USP25: variants seen among roughly 807,000 people sequenced by gnomAD.
USP25 encodes ubiquitin carboxyl-terminal hydrolase 25.
USP25 carries 85 observed loss-of-function variants against 158.5 expected under a neutral mutation model. The ratio of observed to expected loss-of-function variants is 0.54; its 90% confidence interval spans 0.45 to 0.64. USP25 has a LOEUF of 0.64. USP25 is among the 30% of genes least tolerant of loss of function. USP25 has a pLI of 0.00. For missense variants in USP25, 1,242 were observed against 1,327.3 expected, an observed-to-expected ratio of 0.94 and a Z score of 1.00; for synonymous variants, 464 against 460.4, an observed-to-expected ratio of 1.01 and a Z score of -0.10.
chr21:15,833,101 T>C, intron 16 of USP25, among the ~76,000 whole-genome samples: 1 of 152,080 alleles, frequency 6.6e-6, no homozygotes, highest in East Asian at 1.9e-4. Context: ...TAAAAAAAAA[T>C]CTGAGACCAT....
intron 14 of USP25, among the ~76,000 whole-genome samples, chr21:15,827,861 A>AT (rs1218690487): frequency 7.2e-6 from 1 of 138,766 alleles, no homozygotes; most frequent in African/African-American, 2.7e-5. Context: ...TTTCTATTCT[A>AT]TTTTTTCTTT....
At chr21:15,746,620 T>A (rs186757029) in intron 1 of USP25, among the ~76,000 whole-genome samples, 113 of 152,136 alleles carry the variant, frequency 7.4e-4, no homozygotes, top group African/African-American at 2.6e-3. Flanking sequence ...ATAGTCTTGA[T>A]CTCTGGACAG....
At chr21:15,795,005 C>G (rs1219860085) in intron 5 of USP25, among the ~76,000 whole-genome samples, 1 of 151,628 alleles carries the variant, frequency 6.6e-6, no homozygotes, top group African/African-American at 2.4e-5. Context: ...TTGCTCTTCT[C>G]TCTTTAATTT....
intron 1 of USP25, among the ~76,000 whole-genome samples, chr21:15,747,785 C>T (rs894834738): frequency 6.6e-6 from 1 of 152,142 alleles, no homozygotes; most frequent in East Asian, 1.9e-4. Flanking sequence ...CAATTTAAAA[C>T]ATCGTTTCTG....
chr21:15,740,641 G>GTTTTTTTTTTTTTTTTTTTTTTT (rs60616271), intron 1 of USP25, among the ~76,000 whole-genome samples: 1 of 41,302 alleles, frequency 2.4e-5, no homozygotes, highest in African/African-American at 4.4e-5. Flanking sequence ...CTTTCTGGCT[G>GTTTTTTTTTTTTTTTTTTTTTTT]TTTTTTTTTT....
At chr21:15,854,346 A>G (rs1229896715) in intron 20 of USP25, among the ~76,000 whole-genome samples, 2 of 152,016 alleles carry the variant, frequency 1.3e-5, no homozygotes, top group Non-Finnish European at 1.5e-5. Flanking sequence ...GGGTTTCACC[A>G]TATTGGCCAG....
intron 9 of USP25, among the ~76,000 whole-genome samples, chr21:15,811,604 A>T (rs1238934647): frequency 6.6e-6 from 1 of 152,182 alleles, no homozygotes; most frequent in Non-Finnish European, 1.5e-5. Context: ...GCAACTTAGC[A>T]TAGTCAGGGT....
In USP25 at chr21:15,843,268, G is replaced by T. The variant is rs1470723727; in HGVS notation, c.2337+728G>T. ...TATCTTTTATTAGTGAGCATAAGCA[G>T]CTCTAATGCAGATTTTGTGGTAGTT... On this transcript the variant is annotated intron_variant, in intron 18 of 25. Transcript: ENST00000400183. This position sits in a 1 kb window ranked among gnomAD's most constrained non-coding sequence, Gnocchi z 4.0. Among the ~76,000 whole-genome samples, 2 of 152,160 alleles carry T rather than the reference G, an allele frequency of 1.3e-5. No homozygotes were observed. The highest frequency in any genetic ancestry group is 4.1e-4 in the South Asian group (2 of 4,832).
At chr21:15,824,851 G>C (rs2037418642) in intron 11 of USP25, 115 bp from the exon 12 acceptor site, 1 of 761,792 alleles carries the variant, frequency 1.3e-6, no homozygotes, top group East Asian at 2.9e-5. Flanking sequence ...CCTGACCTCA[G>C]GTGATCCTCC....
Position 15,878,377 on chromosome 21 carries a change from G to A in USP25, c.3280G>A (p.Glu1094Lys), listed in dbSNP as rs148075750. The A allele has an allele frequency of 1.9e-4, 312 of 1,613,994 alleles. 2 individuals are homozygous for A. The African/African-American group carries it at 3.9e-3, about 20-fold the overall frequency. ...TTCTATGGAGATTAAAAGTTTCCAT[G>A]AGCCACCGAAGTTACCTTCATATTC... ...DCSMEIKSFHEPPKLPSYSTH... is the reference protein window; with the variant it reads ...DCSMEIKSFHKPPKLPSYSTH... The change falls in exon 26 of 26, where the codon GAG becomes AAG. Residue 1094 changes from glutamate to lysine, a missense_variant. This residue lies in a region of USP25 where 608 missense variants were observed against 605.2 expected (regional missense o/e 1.00). Transcript: ENST00000400183.
At chr21:15,760,162 T>C (rs1165546310) in intron 1 of USP25, among the ~76,000 whole-genome samples, 1 of 152,216 alleles carries the variant, frequency 6.6e-6, no homozygotes, top group Non-Finnish European at 1.5e-5. Flanking sequence ...TTTCCCAATC[T>C]CCTTTGCAGC....
At chr21:15,861,195 C>T (rs2039414038) in intron 20 of USP25, among the ~76,000 whole-genome samples, 1 of 151,972 alleles carries the variant, frequency 6.6e-6, no homozygotes, top group East Asian at 1.9e-4. Context: ...AAGGATATCA[C>T]ACATATGGAG....
chr21:15,758,846 A>G (rs1302298810), intron 1 of USP25, among the ~76,000 whole-genome samples: 1 of 152,086 alleles, frequency 6.6e-6, no homozygotes, highest in South Asian at 2.1e-4. Context: ...CAAGAACAGC[A>G]TGGGAAAAAC....
At chr21:15,786,182 A>T (rs1403232723) in intron 4 of USP25, among the ~76,000 whole-genome samples, 3 of 152,182 alleles carry the variant, frequency 2.0e-5, no homozygotes, top group African/African-American at 7.2e-5. Flanking sequence ...CTAGTTTCTG[A>T]TGGCTACATT....
Position 15,747,640 on chromosome 21 carries a change from C to T in USP25, c.46-15251C>T, listed in dbSNP as rs187546947. ...TGAATGTAGTCTTTTTCAAAATATCCGATAACTGAGATGGCTGCTGACTAC... is the reference window on the plus strand; with the variant it reads ...TGAATGTAGTCTTTTTCAAAATATCTGATAACTGAGATGGCTGCTGACTAC... On this transcript the variant is annotated intron_variant, in intron 1 of 25. Coordinates refer to ENST00000400183, the MANE Select transcript of USP25 (RefSeq NM_001283041.3). Among the ~76,000 whole-genome samples, 7 of 151,868 alleles carry T rather than the reference C, an allele frequency of 4.6e-5. No individual in the cohort carries two copies. The East Asian group carries it at 9.7e-4, about 21-fold the overall frequency.
At chr21:15,805,013 A>G (rs1279446449) in intron 6 of USP25, 108 bp from the exon 7 acceptor site, 6 of 1,178,282 alleles carry the variant, frequency 5.1e-6, no homozygotes, top group African/African-American at 1.6e-5. Context: ...TCCCTAAACT[A>G]TATTGGCTAG....
chr21:15,794,020 G>A (rs1045811300), intron 5 of USP25, among the ~76,000 whole-genome samples: 4 of 151,374 alleles, frequency 2.6e-5, no homozygotes, highest in African/African-American at 9.7e-5. Context: ...CAGTGAGTTG[G>A]AACTTACTCA....
chr21:15,858,295 G>A (rs1346716758), intron 20 of USP25, among the ~76,000 whole-genome samples: 1 of 151,450 alleles, frequency 6.6e-6, no homozygotes, highest in Non-Finnish European at 1.5e-5. Flanking sequence ...TTAGTATTTT[G>A]AGTCTTGCCC....
chr21:15,740,101 T>G (rs1164770513), intron 1 of USP25, among the ~76,000 whole-genome samples: 2 of 152,232 alleles, frequency 1.3e-5, no homozygotes, highest in Admixed American at 6.5e-5. Flanking sequence ...TTTCGTATAA[T>G]ATGGTTTTTA....
Sources: allele counts gnomAD v4.1 joint callset (sites outside exome capture counted in the v4.1 genomes callset), GRCh38; gene constraint gnomAD v4.1.1; regional missense constraint gnomAD v4.1.1; non-coding constraint Gnocchi (gnomAD v3.1); transcripts MANE v1.5; gene names NCBI Gene and HGNC (gene_info 2026-07-23, HGNC 2026-07-21).